BCAT1: variants seen among roughly 807,000 people sequenced by gnomAD.
BCAT1 encodes the protein branched-chain-amino-acid aminotransferase, cytosolic.
A neutral mutation model predicts 52.4 loss-of-function variants in BCAT1; 48 were observed. The observed-to-expected ratio is 0.92, with a 90% CI of 0.73 to 1.16. The LOEUF is 1.16. Ranked by LOEUF, BCAT1 falls within the 50% of genes most tolerant of loss-of-function variation. The pLI is 0.00. For missense variants in BCAT1, 451 were observed against 457.1 expected (o/e 0.99, Z 0.12); for synonymous variants, 167 against 161.3 (o/e 1.04, Z -0.27).
intron 1 of BCAT1, chr12:24,903,071 C>T (rs2139685413): frequency 7.2e-7 from 1 of 1,389,070 alleles, no homozygotes; most frequent in East Asian, 3.0e-5. Flanking sequence ...GCGGTGTGGC[C>T]AAGCCCCGGC....
chr12:24,877,851 C>T (rs1942390487), intron 5 of BCAT1, among the ~76,000 whole-genome samples: 1 of 152,138 alleles, frequency 6.6e-6, no homozygotes, highest in Admixed American at 6.6e-5. Context: ...ACTAAAATGG[C>T]AGAGTTTAAG....
At chr12:24,884,452 A>G (rs563800473) in intron 3 of BCAT1, among the ~76,000 whole-genome samples, 2 of 152,298 alleles carry the variant, frequency 1.3e-5, no homozygotes, top group South Asian at 4.1e-4. Flanking sequence ...ATAATAATGT[A>G]TCATATATTT....
At chr12:24,946,515 A>G (rs117206037) in intron 1 of BCAT1, among the ~76,000 whole-genome samples, 2,348 of 152,350 alleles carry the variant, frequency 0.015, 24 homozygotes, top group Non-Finnish European at 0.025. Context: ...TAAACTATAT[A>G]AACTATTGAT....
chr12:24,920,057 A>C (rs996996238), intron 1 of BCAT1, among the ~76,000 whole-genome samples: 1 of 152,112 alleles, frequency 6.6e-6, no homozygotes, highest in African/African-American at 2.4e-5. Flanking sequence ...GCAGCATAAA[A>C]ATGGACTAAT....
intron 1 of BCAT1, among the ~76,000 whole-genome samples, chr12:24,920,987 C>T (rs912791404): frequency 6.6e-6 from 1 of 152,084 alleles, no homozygotes; most frequent in African/African-American, 2.4e-5. Flanking sequence ...CTTTTGTCCT[C>T]GTGGAGTTGG....
intron 2 of BCAT1, among the ~76,000 whole-genome samples, chr12:24,895,935 C>T (rs1384370651): frequency 1.3e-5 from 2 of 152,140 alleles, no homozygotes; most frequent in African/African-American, 4.8e-5. Context: ...AATGTTCAGG[C>T]TAGTCTAGTA....
chr12:24,829,699 C>A, intron 10 of BCAT1, 124 bp downstream of exon 10: 1 of 812,234 alleles, frequency 1.2e-6, no homozygotes. Flanking sequence ...ACTTATTGAT[C>A]TCAAATTGTA....
At position 24,832,714 on chromosome 12, in the gene BCAT1, T is replaced by C. The variant is rs764268234; in HGVS notation, c.1044+9A>G. The C allele has an allele frequency of 6.3e-7, 1 of 1,598,408 alleles. No individual in the cohort carries two copies. Among genetic ancestry groups the C allele is most frequent in the African/African-American group, 1.3e-5 (1 of 74,648 alleles). ...GAAATGATAGGAAATGAGGAAATAC[T>C]TGTCGTACCTCGCCTTTGTACAGTA... On this transcript the variant is annotated intron_variant, in intron 9 of 10. Transcript: ENST00000261192.
intron 1 of BCAT1, among the ~76,000 whole-genome samples, chr12:24,938,524 T>G (rs1191254088): frequency 1.3e-5 from 2 of 152,146 alleles, no homozygotes; most frequent in Non-Finnish European, 2.9e-5. Context: ...AACTGGGTGC[T>G]GGGTTGCCAA....
At chr12:24,876,260 T>TAAAAAAA (rs71448093) in intron 5 of BCAT1, among the ~76,000 whole-genome samples, 2 of 109,858 alleles carry the variant, frequency 1.8e-5, no homozygotes, top group Admixed American at 1.0e-4. Flanking sequence ...GAGGGAGATG[T>TAAAAAAA]AAAAAAAAAA....
intron 5 of BCAT1, among the ~76,000 whole-genome samples, chr12:24,878,144 CAA>C (rs923772069): frequency 4.2e-5 from 3 of 70,704 alleles, no homozygotes; most frequent in Non-Finnish European, 3.0e-5. Flanking sequence ...ACAACGTGGG[CAA>C]AAAAAAAAAA....
chr12:24,912,403 C>T (rs1726413052), intron 1 of BCAT1, among the ~76,000 whole-genome samples: 1 of 151,928 alleles, frequency 6.6e-6, no homozygotes, highest in African/African-American at 2.4e-5. Context: ...ACCTGTAGTC[C>T]CAGCTACTCG....
intron 5 of BCAT1, among the ~76,000 whole-genome samples, chr12:24,858,000 G>A (rs2139503019): frequency 6.6e-6 from 1 of 152,062 alleles, no homozygotes; most frequent in East Asian, 1.9e-4. Context: ...AGAGGGGATG[G>A]GCTGATTCCC....
intron 2 of BCAT1, among the ~76,000 whole-genome samples, chr12:24,895,091 A>G (rs545214999): frequency 1.3e-5 from 2 of 152,370 alleles, no homozygotes; most frequent in East Asian, 3.9e-4. Context: ...TGAACAAAGG[A>G]ACTCTTATTT....
chr12:24,885,340 A>G (rs1359017536), intron 3 of BCAT1, among the ~76,000 whole-genome samples: 1 of 152,190 alleles, frequency 6.6e-6, no homozygotes, highest in Non-Finnish European at 1.5e-5. Context: ...AATCTAACAA[A>G]AGAAGTGAAA....
chr12:24,910,147 G>T (rs1305304377), intron 1 of BCAT1, among the ~76,000 whole-genome samples: 2 of 152,064 alleles, frequency 1.3e-5, no homozygotes, highest in Admixed American at 6.6e-5. Flanking sequence ...GCCAAAGCAG[G>T]CATATCACCT....
At chr12:24,836,951 AAAGAAAAGAG>A (rs770636568) in intron 7 of BCAT1, among the ~76,000 whole-genome samples, 3,865 of 115,696 alleles carry the variant, frequency 0.033, 168 homozygotes, top group Non-Finnish European at 0.051. Context: ...AGAAAGAAAG[AAAGAAAAGAG>A]AAAGAAAGAA....
At chr12:24,880,791 A>T (rs1385602462) in intron 4 of BCAT1, among the ~76,000 whole-genome samples, 1 of 151,974 alleles carries the variant, frequency 6.6e-6, no homozygotes, top group East Asian at 1.9e-4. Context: ...CACTGATTTT[A>T]AAAAATTGTG....
intron 1 of BCAT1, among the ~76,000 whole-genome samples, chr12:24,938,517 T>C (rs1943800923): frequency 2.0e-5 from 3 of 152,280 alleles, no homozygotes; most frequent in Admixed American, 6.5e-5. Flanking sequence ...GGAATTTAAC[T>C]GGGTGCTGGG....
Sources: gnomAD v4.1 joint callset for allele counts (sites outside exome capture counted in the v4.1 genomes callset) on GRCh38, gnomAD v4.1.1 for gene constraint, MANE v1.5 for transcripts, NCBI Gene and HGNC (gene_info 2026-07-23, HGNC 2026-07-21) for gene names.